Variants in AMPD2 observed in about 807,000 individuals in gnomAD.
The protein encoded by AMPD2 is AMP deaminase 2.
AMPD2 carries 52 observed loss-of-function variants against 91.3 expected under a neutral mutation model. That is an observed-to-expected ratio of 0.57 (90% CI 0.46 to 0.72). The LOEUF (loss-of-function observed/expected upper bound fraction) is 0.72. AMPD2 is among the 30% of genes least tolerant of loss of function. The pLI, the probability that AMPD2 is intolerant of heterozygous loss-of-function variation, is 0.00. For missense variants in AMPD2, 822 were observed against 1,122.3 expected (o/e 0.73, Z 3.82); for synonymous variants, 455 against 456.4 (o/e 1.00, Z 0.04).
In AMPD2 at chr1:109,621,271, G is replaced by A. The variant is rs1557926421; in HGVS notation, c.91+5G>A. 1 of 1,612,426 alleles carries A rather than the reference G, an allele frequency of 6.2e-7. No homozygotes were observed. The highest frequency in any genetic ancestry group is 8.5e-7 in the Non-Finnish European group (1 of 1,179,398). On this transcript the variant is annotated splice_donor_5th_base_variant and intron_variant, in intron 2 of 18. Transcript: ENST00000528667. ...AGGCCTCCACTGCAGCTCCAGGTGA[G>A]TGTGTGCTTCCTGGCCTCAGGATAG...
rs1055831412 is a variant in AMPD2, at chr1:109,631,565, C to T, written c.*413C>T. ...TAGGCCCCTGTCTTGTTCATGTAGC[C>T]GAGGGGCAGGCGGGGGACCTCTACA... On this transcript the variant is annotated 3_prime_UTR_variant, in exon 19 of 19. Transcript: ENST00000528667. 17 of 259,948 alleles carry T rather than the reference C, an allele frequency of 6.5e-5. No homozygotes were observed. The highest frequency in any genetic ancestry group is 9.9e-5 in the Non-Finnish European group (13 of 131,958). 16.1% of individuals were successfully genotyped at this position (259,948 alleles called of 1,614,324 possible). A position where few individuals can be genotyped will look rare whatever the true frequency, so the allele number is the denominator to read the frequency against.
rs747586268 is a variant in AMPD2 at position 109,621,234 on chromosome 1, G to C, written c.59G>C (p.Arg20Pro). The C allele has an allele frequency of 1.2e-6, 2 of 1,612,530 alleles. No individual in the cohort carries two copies. The highest frequency in any genetic ancestry group is 1.7e-6 in the Non-Finnish European group (2 of 1,179,452). Reference sequence around the variant, plus strand: ...AAGGCCAAATATCCCTTTAAGAAGCGGGCCAGCCTGCAGGCCTCCACTGCA... The same window carrying C: ...AAGGCCAAATATCCCTTTAAGAAGCCGGCCAGCCTGCAGGCCTCCACTGCA... ...KPKAKYPFKK[R>P]ASLQASTAAP... Residue 20 changes from arginine to proline, a missense_variant, in exon 2 of 19, where the codon CGG becomes CCG. Coordinates refer to ENST00000528667, the MANE Select transcript of AMPD2 (RefSeq NM_001368809.2).
rs761542502 is a variant in AMPD2, at chr1:109,630,288, C to T, written c.2039C>T (p.Pro680Leu). ...YLAQIGIAMS[P>L]LSNNSLFLSY... ...GCCCAGATCGGCATCGCCATGTCTC[C>T]GCTCAGCAACAACAGCCTCTTCCTC... The change falls in exon 17 of 19, where the codon CCG becomes CTG. Residue 680 changes from proline (P) to leucine (L), a missense_variant. Pro to Leu is a moderately conservative substitution (Grantham distance 98). Transcript: ENST00000528667. The T allele has an allele frequency of 5.0e-6, 8 of 1,613,770 alleles. No individual in the cohort carries two copies. The Admixed American group carries it at 6.7e-5, about 13-fold the overall frequency.
chr1:109,627,548 C>A, intron 9 of AMPD2, 30 bp downstream of exon 9: 1 of 1,611,146 alleles, frequency 6.2e-7, no homozygotes, highest in Middle Eastern at 1.7e-4. Context: ...AGACACTTAG[C>A]TCCCCTCCCA....
At position 109,629,483 on chromosome 1, in the gene AMPD2, C is replaced by G. The variant is rs781626201; in HGVS notation, c.1855C>G (p.Leu619Val). 9 of 1,613,722 alleles carry G rather than the reference C, an allele frequency of 5.6e-6. No homozygotes were observed. In the South Asian group the frequency reaches 9.9e-5, roughly 18 times the overall value. The change falls in exon 15 of 19, where the codon CTG becomes GTG. Residue 619 changes from leucine to valine, a missense_variant. Leu to Val is a conservative substitution (Grantham distance 32). Around this residue, in one of 5 missense-constraint regions of AMPD2, gnomAD observed 430 missense variants for 606.0 expected, o/e 0.71. Transcript: ENST00000528667. ...TFANMAMLNH[L>V]RRQRGFHTFV... ...TGCCAACATGGCCATGTTGAACCAC[C>G]TGCGCAGGTGCCTGCACCACCCTGT...
chr1:109,627,347 TGCA>T lies in AMPD2; in HGVS notation c.860+34_860+36del, dbSNP rs765443824. On this transcript the variant is annotated intron_variant, in intron 8 of 18. Coordinates refer to ENST00000528667, the MANE Select transcript of AMPD2 (RefSeq NM_001368809.2). ...AGGGGTGTGGTGCATGTTGGGGGGA[TGCA>T]GCGTGGGAGGTTGCGTTGGCTTGGG... 148 of 1,611,000 alleles carry T rather than the reference TGCA, an allele frequency of 9.2e-5. No homozygotes were observed. In the African/African-American group the frequency reaches 1.7e-3, roughly 19 times the overall value.
In AMPD2 at chr1:109,628,308, GA is replaced by G; in HGVS notation, c.1275+32del. On this transcript the variant is annotated intron_variant, in intron 11 of 18. Coordinates refer to ENST00000528667, the MANE Select transcript of AMPD2 (RefSeq NM_001368809.2). This position sits in a 1 kb window ranked among gnomAD's most constrained non-coding sequence, Gnocchi z 7.1. ...TGCCAGTGGCGTGGGCTGTGGGACT[GA>G]GTCAGTCAGGGGACCAGGAGTCACG... The G allele has an allele frequency of 6.2e-7, 1 of 1,613,066 alleles. No homozygotes were observed. Among genetic ancestry groups the G allele is most frequent in the African/African-American group, 1.3e-5 (1 of 75,028 alleles).
At chr1:109,630,198 A>G (rs1436060989) in intron 16 of AMPD2, 35 bp from the exon 17 acceptor site, 2 of 1,606,776 alleles carry the variant, frequency 1.2e-6, no homozygotes, top group East Asian at 4.5e-5. Flanking sequence ...CCTCGGGGCC[A>G]CCTGACAGGC....
rs767525100 is a variant in AMPD2 at position 109,628,618 on chromosome 1, C to T, written c.1408-25C>T. 1.2e-6 allele frequency: 2 copies of T among 1,611,774 alleles called. No homozygotes were observed. The highest frequency in any genetic ancestry group is 2.2e-5 in the East Asian group (1 of 44,836). On this transcript the variant is annotated intron_variant, in intron 12 of 18. Coordinates refer to ENST00000528667, the MANE Select transcript of AMPD2 (RefSeq NM_001368809.2). This position sits in a 1 kb window ranked among gnomAD's most constrained non-coding sequence, Gnocchi z 7.1. ...AGCTCTGACTCAGCTCACCTCATGTCTGACTCAGCTCACCTCATGTCTAGG... is the reference window on the plus strand; with the variant it reads ...AGCTCTGACTCAGCTCACCTCATGTTTGACTCAGCTCACCTCATGTCTAGG...
Position 109,627,911 on chromosome 1 carries a change from C to T in AMPD2, c.1080+8C>T, listed in dbSNP as rs2101163723. 2 of 1,613,982 alleles carry T rather than the reference C, an allele frequency of 1.2e-6. No individual in the cohort carries two copies. Among genetic ancestry groups the T allele is most frequent in the Non-Finnish European group, 1.7e-6 (2 of 1,179,956 alleles). ...TTCTACAACATCCGCAAGGTGGGCC[C>T]TCACCCCGTGGCCGTCTCCATGTCC... On this transcript the variant is annotated splice_region_variant and intron_variant, in intron 10 of 18. Transcript: ENST00000528667.
In AMPD2 at chr1:109,631,009, A is replaced by G. The variant is rs1196249375; in HGVS notation, c.2335A>G (p.Thr779Ala). 1 of 1,614,192 alleles carries G rather than the reference A, an allele frequency of 6.2e-7. No individual in the cohort carries two copies. Among genetic ancestry groups the G allele is most frequent in the South Asian group, 1.1e-5 (1 of 91,092 alleles). The part of the protein sequence containing the change: ...EGPEGNDIRR[T>A]NVPDIRVGYR... ...CCCTGAGGGGAATGACATCCGCCGG[A>G]CCAATGTGCCAGACATCCGCGTGGG... is the stretch of plus-strand genomic sequence containing the variant. Residue 779 changes from threonine (T) to alanine (A), a missense_variant, in exon 19 of 19, where the codon ACC (threonine) becomes GCC (alanine). Around this residue, in one of 5 missense-constraint regions of AMPD2, gnomAD observed 430 missense variants for 606.0 expected, o/e 0.71. Transcript: ENST00000528667.
At chr1:109,629,652 C>T in intron 15 of AMPD2, 144 bp from the exon 16 acceptor site, 1 of 1,441,412 alleles carries the variant, frequency 6.9e-7, no homozygotes, top group Non-Finnish European at 9.4e-7. Flanking sequence ...CCCCTCACAG[C>T]CAGTAATCTA....
intron 2 of AMPD2, chr1:109,622,288 T>G: frequency 2.2e-6 from 1 of 456,302 alleles, no homozygotes; most frequent in Non-Finnish European, 4.4e-6. Flanking sequence ...TGGCCCTGTT[T>G]GGTTCAGCAA....
In AMPD2 at chr1:109,626,174, T is replaced by A; in HGVS notation, c.368T>A (p.Ile123Asn). 6.2e-7 allele frequency: 1 copy of A among 1,614,144 alleles called. No individual in the cohort carries two copies. The highest frequency in any genetic ancestry group is 8.5e-7 in the Non-Finnish European group (1 of 1,180,022). The change falls in exon 5 of 19, where the codon ATC (isoleucine) becomes AAC (asparagine). Residue 123 changes from isoleucine (I) to asparagine (N), a missense_variant. By Grantham distance (149) the Ile-to-Asn change is moderately radical (BLOSUM62 -3). Coordinates refer to ENST00000528667, the MANE Select transcript of AMPD2 (RefSeq NM_001368809.2). ...ISQDVKLEPD[I>N]LLRAKQDFLK... ...CTTGCCTCTAGGCTGGAGCCAGACA[T>A]CCTGCTTCGGGCCAAGCAAGATTTC...
In AMPD2 at chr1:109,625,833, T is replaced by G; in HGVS notation, c.353+41T>G. The G allele has an allele frequency of 6.2e-7, 1 of 1,610,208 alleles. No individual in the cohort carries two copies. The highest frequency in any genetic ancestry group is 1.1e-5 in the South Asian group (1 of 90,934). ...AGCTGCTTAGTCTCCCTCCATACCC[T>G]TCCAGACCCTTTCAGAGCCCCTTTT... On this transcript the variant is annotated intron_variant, in intron 4 of 18. Coordinates refer to ENST00000528667, the MANE Select transcript of AMPD2 (RefSeq NM_001368809.2). The surrounding 1 kb of genome is among the most constrained non-coding windows in gnomAD (Gnocchi z 4.0).
intron 14 of AMPD2, 42 bp downstream of exon 14, chr1:109,629,277 G>A: frequency 6.2e-7 from 1 of 1,613,938 alleles, no homozygotes; most frequent in South Asian, 1.1e-5. Flanking sequence ...AGGGCAGCCG[G>A]CTTCGCATCC....
intron 2 of AMPD2, chr1:109,622,444 G>C (rs145601158): frequency 2.2e-5 from 8 of 370,636 alleles, no homozygotes; most frequent in Non-Finnish European, 3.2e-5. Flanking sequence ...GCTCCTGGTC[G>C]AGAGGGGAGA....
Position 109,629,365 on chromosome 1 carries a change from T to C in AMPD2, c.1737T>C (p.Pro579=), listed in dbSNP as rs1651002230. 1 of 1,614,018 alleles carries C rather than the reference T, an allele frequency of 6.2e-7. No homozygotes were observed. Among genetic ancestry groups the C allele is most frequent in the African/African-American group, 1.3e-5 (1 of 74,910 alleles). The change falls in exon 15 of 19, where the codon CCT becomes CCC. Residue 579 remains proline (P), a synonymous_variant. Transcript: ENST00000528667. The part of the protein sequence containing the change: ...GFDSVDDESK[P]ENHVFNLESP... ...ACAGCGTGGATGATGAGTCCAAGCC[T>C]GAAAACCATGTCTTCAACCTGGAGA...
In AMPD2 at chr1:109,625,864, T is replaced by C; in HGVS notation, c.353+72T>C. On this transcript the variant is annotated intron_variant, in intron 4 of 18. Transcript: ENST00000528667. The surrounding 1 kb of genome is among the most constrained non-coding windows in gnomAD (Gnocchi z 4.0). ...ACCCTTTCAGAGCCCCTTTTCTGCC[T>C]CTTTCCCTCGCACCCTGCCTTGGGG... 6.3e-7 allele frequency: 1 copy of C among 1,590,490 alleles called. No homozygotes were observed.
Sources: gnomAD v4.1 joint callset for allele counts on GRCh38, gnomAD v4.1.1 for gene constraint, gnomAD v4.1.1 regional missense constraint, Gnocchi (gnomAD v3.1) non-coding constraint, MANE v1.5 for transcripts, NCBI Gene and HGNC (gene_info 2026-07-23, HGNC 2026-07-21) for gene names.